The following NID2 variants were observed in gnomAD, a reference collection of about 807,000 sequenced individuals.
NID2 encodes the protein nidogen 2, also known as nidogen-2.
NID2 carries 83 observed loss-of-function variants against 145.4 expected under a neutral mutation model. The observed-to-expected ratio is 0.57, with a 90% CI of 0.48 to 0.69. The LOEUF (loss-of-function observed/expected upper bound fraction) is 0.69. NID2 is among the 30% of genes least tolerant of loss of function. The pLI is 0.00. For synonymous variants in NID2, 739 were observed against 701.3 expected (o/e 1.05, Z -0.85); for missense variants, 1,807 against 1,765.7 (o/e 1.02, Z -0.42).
At chr14:52,042,055 C>G (rs754464304) in intron 7 of NID2, 50 bp downstream of exon 7, 3 of 1,531,892 alleles carry the variant, frequency 2.0e-6, no homozygotes, top group Non-Finnish European at 2.6e-6. Context: ...CCAAGGAGCA[C>G]CACTGCCAAA....
chr14:52,057,420 A>G (rs182484780), intron 3 of NID2, among the ~76,000 whole-genome samples: 1 of 152,274 alleles, frequency 6.6e-6, no homozygotes, highest in Admixed American at 6.5e-5. Flanking sequence ...ACATTTAAAC[A>G]GGCCGGGTAT....
chr14:52,059,699 T>C (rs1892963527), intron 3 of NID2, among the ~76,000 whole-genome samples: 1 of 152,272 alleles, frequency 6.6e-6, no homozygotes, highest in African/African-American at 2.4e-5. Context: ...TAGTTATTTT[T>C]CCTGCAAATT....
intron 8 of NID2, among the ~76,000 whole-genome samples, chr14:52,040,449 G>A (rs1892237454): frequency 6.6e-6 from 1 of 152,138 alleles, no homozygotes; most frequent in African/African-American, 2.4e-5. Context: ...TAGGGATATA[G>A]ATATTCTTAT....
chr14:52,025,690 A>T (rs886838892), intron 12 of NID2, among the ~76,000 whole-genome samples: 4 of 152,122 alleles, frequency 2.6e-5, no homozygotes, highest in African/African-American at 4.8e-5. Context: ...GTGTGCTAAC[A>T]TGTTATTTTA....
intron 15 of NID2, 149 bp downstream of exon 15, chr14:52,014,905 G>A: frequency 1.5e-6 from 1 of 686,412 alleles, no homozygotes; most frequent in Non-Finnish European, 2.5e-6. Context: ...GATCTTGTGT[G>A]GACCAGATTA....
intron 8 of NID2, among the ~76,000 whole-genome samples, chr14:52,040,283 T>A (rs531049029): frequency 6.6e-6 from 1 of 151,774 alleles, no homozygotes; most frequent in South Asian, 2.1e-4. Context: ...CCTGAACTCA[T>A]CAGCTGAAAC....
chr14:52,038,449 T>C (rs1296541255), intron 9 of NID2, among the ~76,000 whole-genome samples: 7 of 152,226 alleles, frequency 4.6e-5, no homozygotes, highest in African/African-American at 1.7e-4. Context: ...TCCCTCCTAA[T>C]TCCAGTCTGC....
At chr14:52,042,718 G>T (rs549907989) in intron 6 of NID2, 64 bp downstream of exon 6, 26 of 1,532,792 alleles carry the variant, frequency 1.7e-5, no homozygotes, top group Non-Finnish European at 2.2e-5. Context: ...AGCTCACAGT[G>T]GTAGCTGGAA....
Position 52,019,249 on chromosome 14 carries a change from G to T in NID2, c.2840C>A (p.Ala947Asp), listed in dbSNP as rs1208427979. The change falls in exon 14 of 22, where the codon GCC (alanine) becomes GAC (aspartate). Residue 947 changes from alanine to aspartate, a missense_variant. Coordinates refer to ENST00000216286, the MANE Select transcript of NID2 (RefSeq NM_007361.4). ...LTPCEQQQRHAQAQYAYPGAR... is the reference protein window; with the variant it reads ...LTPCEQQQRHDQAQYAYPGAR... The stretch of plus-strand genomic sequence containing the variant: ...CCCAGGGTAGGCATACTGGGCCTGG[G>T]CATGGCGCTGCTGTTGTTCACAGGG... The T allele has an allele frequency of 6.2e-7, 1 of 1,608,266 alleles. No homozygotes were observed. Among genetic ancestry groups the T allele is most frequent in the Admixed American group, 1.7e-5 (1 of 59,934 alleles).
In NID2 at chr14:52,015,201, G is replaced by A. The variant is rs780404034; in HGVS notation, c.3103C>T (p.Arg1035Trp). 5.6e-6 allele frequency: 9 copies of A among 1,612,296 alleles called. No homozygotes were observed. Among genetic ancestry groups the A allele is most frequent in the South Asian group, 2.2e-5 (2 of 90,866 alleles). Residue 1035 changes from arginine (R) to tryptophan (W), a missense_variant, in exon 15 of 22, where the codon CGG (arginine) becomes TGG (tryptophan). By Grantham distance (101) the Arg-to-Trp change is moderately radical. Transcript: ENST00000216286. ...NLLEHYGGTP[R>W]DDQYVPQCDD... ...CACTGGGGCACGTACTGGTCATCCCGGGGGGTGCCACCGTAGTGCTCCAGC... is the reference window on the plus strand; with the variant it reads ...CACTGGGGCACGTACTGGTCATCCCAGGGGGTGCCACCGTAGTGCTCCAGC...
intron 11 of NID2, 24 bp downstream of exon 11, chr14:52,028,698 C>G: frequency 1.9e-6 from 3 of 1,607,912 alleles, no homozygotes; most frequent in Non-Finnish European, 2.5e-6. Flanking sequence ...TTTGGCCACA[C>G]AGGAAAATGA....
At chr14:52,014,811 A>C (rs913759765) in intron 15 of NID2, among the ~76,000 whole-genome samples, 2 of 151,670 alleles carry the variant, frequency 1.3e-5, no homozygotes, top group Admixed American at 1.3e-4. Flanking sequence ...GGGGAGGGGG[A>C]GTAACTGCCT....
At chr14:52,034,388 C>A (rs1891983071) in intron 9 of NID2, among the ~76,000 whole-genome samples, 1 of 152,146 alleles carries the variant, frequency 6.6e-6, no homozygotes, top group African/African-American at 2.4e-5. Flanking sequence ...AGGTAAAGAC[C>A]ATTCTCCCCA....
At position 52,031,094 on chromosome 14, in the gene NID2, T is replaced by C. The variant is rs189969164; in HGVS notation, c.2258-1404A>G. Among the ~76,000 whole-genome samples, 89 of 152,304 alleles carry C rather than the reference T, an allele frequency of 5.8e-4. 2 individuals carry two copies. The East Asian group carries it at 7.1e-3, about 12-fold the overall frequency. On this transcript the variant is annotated intron_variant, in intron 9 of 21. Transcript: ENST00000216286. ...CAGTCTGGTTCCATAGCTCATGCTT[T>C]CCACCGCTTTGCTGCAACCCTCACT...
chr14:52,008,719 A>C lies in NID2; in HGVS notation c.3723-752T>G, dbSNP rs1890890081. On this transcript the variant is annotated intron_variant, in intron 18 of 21. Coordinates refer to ENST00000216286, the MANE Select transcript of NID2 (RefSeq NM_007361.4). ...TGAATTGGATCTTGGGTTTTAGAAT[A>C]GAAACAAATACAGCTGTTAGGAATG... is the stretch of plus-strand genomic sequence containing the variant. 2.6e-5 allele frequency: 4 copies of C among 152,220 alleles called. No individual in the cohort carries two copies. The South Asian group carries it at 8.3e-4, about 32-fold the overall frequency. 9.4% of individuals were successfully genotyped at this position (152,220 alleles called of 1,614,324 possible). A position where few individuals can be genotyped will look rare whatever the true frequency, so the allele number is the denominator to read the frequency against.
In NID2 at chr14:52,030,180, A is replaced by G. The variant is rs114378973; in HGVS notation, c.2258-490T>C. On this transcript the variant is annotated intron_variant, in intron 9 of 21. Coordinates refer to ENST00000216286, the MANE Select transcript of NID2 (RefSeq NM_007361.4). ...TGTTGATCTCTTACTAAAATTCCCA[A>G]TTTTTATAGGTAAATCCAATTAATT... Among the ~76,000 whole-genome samples the G allele has an allele frequency of 5.7e-3, 869 of 152,250 alleles. 3 individuals are homozygous for G. The highest frequency in any genetic ancestry group is 0.02 in the African/African-American group (823 of 41,512).
At chr14:52,020,977 C>T (rs1891384789) in intron 12 of NID2, among the ~76,000 whole-genome samples, 1 of 152,052 alleles carries the variant, frequency 6.6e-6, no homozygotes, top group Non-Finnish European at 1.5e-5. Context: ...ATGAAATCCG[C>T]ATATGCCGAC....
intron 17 of NID2, among the ~76,000 whole-genome samples, chr14:52,011,348 C>T (rs1287870569): frequency 1.3e-5 from 2 of 152,120 alleles, no homozygotes; most frequent in African/African-American, 4.8e-5. Context: ...TTAAGAAGTG[C>T]GCACAGTAGG....
intron 3 of NID2, among the ~76,000 whole-genome samples, chr14:52,058,887 C>A (rs1013186129): frequency 6.6e-6 from 1 of 151,530 alleles, no homozygotes; most frequent in African/African-American, 2.4e-5. Flanking sequence ...AGGGTGGAAC[C>A]AGAGGAGGGA....
Sources: gnomAD v4.1 joint callset for allele counts (sites outside exome capture counted in the v4.1 genomes callset) on GRCh38, gnomAD v4.1.1 for gene constraint, MANE v1.5 for transcripts, NCBI Gene and HGNC (gene_info 2026-07-23, HGNC 2026-07-21) for gene names.